ASB4: variants seen among roughly 807,000 people sequenced by gnomAD.
ASB4 encodes ankyrin repeat and SOCS box containing 4.
In ASB4, 35 loss-of-function variants were observed where a neutral mutation model predicts 38.6. The observed-to-expected ratio is 0.91, with a 90% CI of 0.69 to 1.20. The LOEUF (loss-of-function observed/expected upper bound fraction) is 1.20. Among genes scored for constraint, ASB4 ranks in the 50% most tolerant of loss-of-function variants. The pLI is 0.00. For missense variants in ASB4, 557 were observed against 527.2 expected (o/e 1.06, Z -0.55); for synonymous variants, 195 against 201.3 (o/e 0.97, Z 0.26).
upstream of ASB4, among the ~76,000 whole-genome samples, chr7:95,477,110 T>G (rs909987032): frequency 2.6e-5 from 4 of 152,184 alleles, no homozygotes; most frequent in Non-Finnish European, 5.9e-5. Flanking sequence ...CTTGGATTTT[T>G]TTTTTTTCCC....
rs764509855 is a variant in ASB4, at chr7:95,502,389, T to TGG, written c.487+6333_487+6334insGG. ...AATAGAATGTAAATAGGTACCAGCC[T>TGG]GCGGGGGGGGGGCAAATTGATAACA... On this transcript the variant is annotated intron_variant, in intron 2 of 4. Transcript: ENST00000325885. Among the ~76,000 whole-genome samples the TGG allele has an allele frequency of 4.8e-4, 40 of 83,472 alleles. No individual in the cohort carries two copies. In the South Asian group the frequency reaches 6.5e-3, roughly 13 times the overall value. The allele number at this position is 83,472 out of a possible 152,430, so 54.8% of individuals were successfully genotyped here. A position where few individuals can be genotyped will look rare whatever the true frequency, so the allele number is the denominator to read the frequency against.
intron 2 of ASB4, among the ~76,000 whole-genome samples, chr7:95,515,140 A>T (rs1000416205): frequency 4.7e-5 from 7 of 150,222 alleles, no homozygotes; most frequent in Non-Finnish European, 1.0e-4. Flanking sequence ...TGTCCAAGCA[A>T]TTGTTTTTCT....
upstream of ASB4, among the ~76,000 whole-genome samples, chr7:95,478,023 T>C (rs1000863099): frequency 3.3e-5 from 5 of 152,206 alleles, no homozygotes; most frequent in African/African-American, 7.2e-5. Flanking sequence ...TGATGAATCT[T>C]TGCAATTGGT....
chr7:95,471,324 C>T, the ASB4 span, among the ~76,000 whole-genome samples: 81 of 152,272 alleles, frequency 5.3e-4, no homozygotes, highest in Admixed American at 2.9e-3. Context: ...CTTTCCTGCA[C>T]GCTTCCTCAT....
At chr7:95,513,144 A>T (rs1790506236) in intron 2 of ASB4, among the ~76,000 whole-genome samples, 1 of 152,104 alleles carries the variant, frequency 6.6e-6, no homozygotes, top group South Asian at 2.1e-4. Context: ...ATGGTCACGA[A>T]ATGTGGGAAG....
At chr7:95,527,115 A>G (rs550362601) in intron 2 of ASB4, among the ~76,000 whole-genome samples, 1 of 152,330 alleles carries the variant, frequency 6.6e-6, no homozygotes, top group African/African-American at 2.4e-5. Context: ...CTACTATACC[A>G]GCTTCTGCCC....
chr7:95,536,401 G>A (rs1414538080), intron 3 of ASB4, 36 bp from the exon 4 acceptor site: 4 of 1,306,386 alleles, frequency 3.1e-6, no homozygotes, highest in Non-Finnish European at 4.4e-6. Context: ...CCATATATGT[G>A]CATCAAACAG....
At chr7:95,475,960 C>G (rs543597216), upstream of ASB4, among the ~76,000 whole-genome samples, 1 of 152,306 alleles carries the variant, frequency 6.6e-6, no homozygotes, top group South Asian at 2.1e-4. Flanking sequence ...TTTTCGGTCT[C>G]TATATATCAA....
rs1233086254 is a variant in ASB4 at position 95,496,072 on chromosome 7, G to T, written c.487+15G>T. 12 of 1,603,582 alleles carry T rather than the reference G, an allele frequency of 7.5e-6. No individual in the cohort carries two copies. Among genetic ancestry groups the T allele is most frequent in the Non-Finnish European group, 1.0e-5 (12 of 1,173,036 alleles). ...GGTTTGGAGAGGTAAGCCTTTCTGGGTGGCCAACATTGTTGTCTGCTTGTA... is the reference window on the plus strand; with the variant it reads ...GGTTTGGAGAGGTAAGCCTTTCTGGTTGGCCAACATTGTTGTCTGCTTGTA... On this transcript the variant is annotated intron_variant, in intron 2 of 4. Coordinates refer to ENST00000325885, the MANE Select transcript of ASB4 (RefSeq NM_016116.3).
At chr7:95,535,768 T>A (rs1242332986) in intron 3 of ASB4, among the ~76,000 whole-genome samples, 2 of 152,190 alleles carry the variant, frequency 1.3e-5, no homozygotes, top group Non-Finnish European at 1.5e-5. Flanking sequence ...CATTTGTTAA[T>A]GAAAGGTAAA....
intron 2 of ASB4, among the ~76,000 whole-genome samples, chr7:95,526,827 T>G (rs958068074): frequency 1.3e-5 from 2 of 152,204 alleles, no homozygotes; most frequent in Non-Finnish European, 2.9e-5. Flanking sequence ...AGCGCTGATA[T>G]TAGAGTTGGC....
At position 95,538,008 on chromosome 7, in the gene ASB4, T is replaced by C. The variant is rs1790919986; in HGVS notation, c.*249T>C. On this transcript the variant is annotated 3_prime_UTR_variant, in exon 5 of 5. Coordinates refer to ENST00000325885, the MANE Select transcript of ASB4 (RefSeq NM_016116.3). ...ATAGAACAGTAATAACTAATATGTA[T>C]AGTGTTCTTACTAAGTACCTGAAAT... 1 of 384,782 alleles carries C rather than the reference T, an allele frequency of 2.6e-6. No homozygotes were observed. Among genetic ancestry groups the C allele is most frequent in the East Asian group, 4.0e-5 (1 of 25,292 alleles). 23.8% of individuals were successfully genotyped at this position (384,782 alleles called of 1,614,324 possible).
intron 2 of ASB4, among the ~76,000 whole-genome samples, chr7:95,511,662 C>CA (rs534302628): frequency 0.054 from 7,250 of 133,888 alleles, 383 homozygotes; most frequent in African/African-American, 0.14. Flanking sequence ...AACTCCGTCT[C>CA]AAAAAAAAAA....
At chr7:95,504,890 T>G (rs1476815960) in intron 2 of ASB4, among the ~76,000 whole-genome samples, 1 of 152,138 alleles carries the variant, frequency 6.6e-6, no homozygotes, top group Non-Finnish European at 1.5e-5. Context: ...GAGTTTGCAG[T>G]CCCTATCTCA....
Position 95,539,753 on chromosome 7 carries a change from T to C in ASB4, c.*1994T>C, listed in dbSNP as rs569322124. 6.6e-6 allele frequency: 1 copy of C among 152,102 alleles called. No homozygotes were observed. Among genetic ancestry groups the C allele is most frequent in the Admixed American group, 6.6e-5 (1 of 15,248 alleles). The allele number at this position is 152,102 out of a possible 1,614,324, so 9.4% of individuals were successfully genotyped here. A position where few individuals can be genotyped will look rare whatever the true frequency, so the allele number is the denominator to read the frequency against. On this transcript the variant is annotated 3_prime_UTR_variant, in exon 5 of 5. Transcript: ENST00000325885. ...TGCAAGGGGAAGCTTGAGAGTGGGG[T>C]GAGGGATAAAAGACTACATATTGGG...
chr7:95,502,520 G>A (rs564029222), intron 2 of ASB4, among the ~76,000 whole-genome samples: 3 of 152,052 alleles, frequency 2.0e-5, no homozygotes, highest in Non-Finnish European at 4.4e-5. Flanking sequence ...CATTTACTTA[G>A]GGCCTCAAAT....
intron 2 of ASB4, among the ~76,000 whole-genome samples, chr7:95,525,008 GT>G (rs1431058381): frequency 2.0e-5 from 3 of 152,174 alleles, no homozygotes; most frequent in Non-Finnish European, 2.9e-5. Context: ...ACCCTTCAAA[GT>G]GTCTGCGTGC....
intron 2 of ASB4, among the ~76,000 whole-genome samples, chr7:95,523,856 G>T (rs916057596): frequency 2.0e-5 from 3 of 152,226 alleles, no homozygotes; most frequent in South Asian, 4.1e-4. Flanking sequence ...GCTTATAAGA[G>T]TAATATAAAA....
At chr7:95,532,893 T>G (rs1365116169) in intron 3 of ASB4, among the ~76,000 whole-genome samples, 1 of 152,172 alleles carries the variant, frequency 6.6e-6, no homozygotes. Context: ...CTGAACATCT[T>G]CTGTTTTCTG....
Sources: allele counts gnomAD v4.1 joint callset (sites outside exome capture counted in the v4.1 genomes callset), GRCh38; gene constraint gnomAD v4.1.1; transcripts MANE v1.5; gene names NCBI Gene and HGNC (gene_info 2026-07-23, HGNC 2026-07-21).